ECT2: variants seen among roughly 807,000 people sequenced by gnomAD.
ECT2 encodes protein ECT2.
In ECT2, 61 loss-of-function variants were observed where a neutral mutation model predicts 116.9. The observed-to-expected ratio is 0.52, with a 90% CI of 0.42 to 0.65. The LOEUF (loss-of-function observed/expected upper bound fraction) is 0.65. Ranked by LOEUF, ECT2 falls within the 30% of genes least tolerant of loss-of-function variation. The pLI, the probability that ECT2 is intolerant of heterozygous loss-of-function variation, is 0.00. For synonymous variants in ECT2, 358 were observed against 346.4 expected, an observed-to-expected ratio of 1.03 and a Z score of -0.37; for missense variants, 937 against 1,078.7, an observed-to-expected ratio of 0.87 and a Z score of 1.84.
At chr3:172,779,288 CT>C (rs1221808900) in intron 14 of ECT2, among the ~76,000 whole-genome samples, 1 of 151,932 alleles carries the variant, frequency 6.6e-6, no homozygotes, top group African/African-American at 2.4e-5. Context: ...ATTTTTCTTT[CT>C]TTTTTTTCTT....
chr3:172,808,249 G>A (rs1728128488), intron 22 of ECT2, among the ~76,000 whole-genome samples: 1 of 151,874 alleles, frequency 6.6e-6, no homozygotes, highest in South Asian at 2.1e-4. Flanking sequence ...CTAAAAATTA[G>A]AGAGTATTTA....
chr3:172,775,094 A>G (rs1386774124), intron 14 of ECT2, among the ~76,000 whole-genome samples: 2 of 152,228 alleles, frequency 1.3e-5, no homozygotes, highest in African/African-American at 4.8e-5. Context: ...TCCAGGTGTC[A>G]ATCTCTTACA....
At chr3:172,782,872 G>A (rs762968997) in intron 15 of ECT2, among the ~76,000 whole-genome samples, 5 of 149,972 alleles carry the variant, frequency 3.3e-5, no homozygotes, top group Admixed American at 6.7e-5. Context: ...GCATGATCTC[G>A]CATTTTTTTT....
intron 12 of ECT2, among the ~76,000 whole-genome samples, chr3:172,765,800 C>T (rs1000412511): frequency 6.6e-6 from 1 of 152,106 alleles, no homozygotes; most frequent in Admixed American, 6.5e-5. Flanking sequence ...TGGTATTATG[C>T]TCTCTAATAA....
In ECT2 at chr3:172,760,189, G is replaced by A; in HGVS notation, c.610G>A (p.Gly204Arg). The A allele has an allele frequency of 1.2e-6, 2 of 1,611,778 alleles. No individual in the cohort carries two copies. The highest frequency in any genetic ancestry group is 1.7e-6 in the Non-Finnish European group (2 of 1,178,786). The change falls in exon 7 of 25, where the codon GGA (glycine) becomes AGA (arginine). Residue 204 changes from glycine (G) to arginine (R), a missense_variant. Gly to Arg is a moderately radical substitution (Grantham distance 125, BLOSUM62 -2). Coordinates refer to ENST00000392692, the MANE Select transcript of ECT2 (RefSeq NM_001258315.2). Reference sequence around the variant, plus strand: ...GGTGACATTGGTCCATCACATGGGTGGAGTTATTCGAAAAGACTTTAATTC... The same window carrying A: ...GGTGACATTGGTCCATCACATGGGTAGAGTTATTCGAAAAGACTTTAATTC... ...RLVTLVHHMG[G>R]VIRKDFNSKV...
downstream of ECT2, among the ~76,000 whole-genome samples, chr3:172,823,382 C>A (rs567653579): frequency 2.0e-5 from 3 of 152,208 alleles, no homozygotes; most frequent in African/African-American, 7.2e-5. Flanking sequence ...AGACTATCAA[C>A]CTTAAAAGAG....
In ECT2 at chr3:172,786,413, A is replaced by G. The variant is rs535131983; in HGVS notation, c.1826-80A>G. Reference sequence around the variant, plus strand: ...AATATTATCTTTAAAAATTAGCTGTATCAAGATGGACAGCATTTTAGTCTT... The same window carrying G: ...AATATTATCTTTAAAAATTAGCTGTGTCAAGATGGACAGCATTTTAGTCTT... On this transcript the variant is annotated intron_variant, in intron 17 of 24. Transcript: ENST00000392692. The G allele has an allele frequency of 8.5e-5, 73 of 858,678 alleles. No homozygotes were observed. The African/African-American group carries it at 1.2e-3, about 14-fold the overall frequency. The allele number at this position is 858,678 out of a possible 1,614,324, so 53.2% of individuals were successfully genotyped here.
chr3:172,757,719 CACTATCAAT>C (rs1402933691), intron 5 of ECT2, among the ~76,000 whole-genome samples: 6 of 151,980 alleles, frequency 3.9e-5, no homozygotes, highest in African/African-American at 1.4e-4. Flanking sequence ...CTGGCGTATA[CACTATCAAT>C]ACCACAATGT....
At chr3:172,759,435 T>A (rs2108255669) in intron 6 of ECT2, among the ~76,000 whole-genome samples, 1 of 152,132 alleles carries the variant, frequency 6.6e-6, no homozygotes, top group South Asian at 2.1e-4. Context: ...AGAAAGTTCC[T>A]TTTTTATTTT....
At position 172,767,685 on chromosome 3, in the gene ECT2, A is replaced by G. The variant is rs563543168; in HGVS notation, c.1292-1322A>G. Among the ~76,000 whole-genome samples, 14 of 152,196 alleles carry G rather than the reference A, an allele frequency of 9.2e-5. No individual in the cohort carries two copies. In the South Asian group the frequency reaches 1.2e-3, roughly 14 times the overall value. ...GAAAACAGATTTTAAGCTTTTATAC[A>G]TTAAAAAGATGTATATATATCTATA... On this transcript the variant is annotated intron_variant, in intron 12 of 24. Coordinates refer to ENST00000392692, the MANE Select transcript of ECT2 (RefSeq NM_001258315.2).
chr3:172,790,250 G>T (rs1724421704), intron 18 of ECT2, among the ~76,000 whole-genome samples: 2 of 152,052 alleles, frequency 1.3e-5, no homozygotes, highest in African/African-American at 4.8e-5. Context: ...TTTTTTGTCA[G>T]TTCAAGTTTA....
At chr3:172,816,980 C>G (rs977358967) in intron 24 of ECT2, 143 bp downstream of exon 24, 2 of 584,412 alleles carry the variant, frequency 3.4e-6, no homozygotes, top group Non-Finnish European at 5.6e-6. Flanking sequence ...AAAATATTAT[C>G]ATTTGAATGC....
chr3:172,770,379 C>T (rs533971846), intron 13 of ECT2, among the ~76,000 whole-genome samples: 1 of 152,300 alleles, frequency 6.6e-6, no homozygotes, highest in East Asian at 1.9e-4. Context: ...TTCACTAAAA[C>T]TCCTTTTAAA....
At chr3:172,814,418 T>TC (rs1393516234) in intron 22 of ECT2, among the ~76,000 whole-genome samples, 3 of 152,074 alleles carry the variant, frequency 2.0e-5, no homozygotes, top group African/African-American at 7.2e-5. Context: ...GGTTGTTTTT[T>TC]CTCTGTCACC....
At chr3:172,765,951 T>C (rs1321940987) in intron 12 of ECT2, among the ~76,000 whole-genome samples, 3 of 152,230 alleles carry the variant, frequency 2.0e-5, no homozygotes, top group Non-Finnish European at 4.4e-5. Flanking sequence ...ATCCCTCCAC[T>C]CCTTTCTGCC....
chr3:172,777,614 C>T (rs1361964443), intron 14 of ECT2, among the ~76,000 whole-genome samples: 1 of 152,138 alleles, frequency 6.6e-6, no homozygotes, highest in Non-Finnish European at 1.5e-5. Context: ...ATTTTCTGCT[C>T]TTAGCTTGGC....
downstream of ECT2, among the ~76,000 whole-genome samples, chr3:172,822,057 A>G (rs932754429): frequency 6.6e-6 from 1 of 151,948 alleles, no homozygotes; most frequent in African/African-American, 2.4e-5. Context: ...TGAGAAAATC[A>G]TAATTTAGGT....
intron 18 of ECT2, among the ~76,000 whole-genome samples, chr3:172,790,164 T>C (rs1724396228): frequency 1.3e-5 from 2 of 152,202 alleles, no homozygotes; most frequent in Non-Finnish European, 2.9e-5. Context: ...CATGCTCAGC[T>C]TCACCTGCCC....
chr3:172,809,326 G>A (rs1728332568), intron 22 of ECT2, among the ~76,000 whole-genome samples: 1 of 152,016 alleles, frequency 6.6e-6, no homozygotes, highest in Admixed American at 6.6e-5. Context: ...AATAACATAT[G>A]GAAGAAATTC....
Sources: gnomAD v4.1 joint callset for allele counts (sites outside exome capture counted in the v4.1 genomes callset) on GRCh38, gnomAD v4.1.1 for gene constraint, MANE v1.5 for transcripts, NCBI Gene and HGNC (gene_info 2026-07-23, HGNC 2026-07-21) for gene names.